Variants in NALCN observed in about 807,000 individuals in gnomAD.
NALCN encodes sodium leak channel, non-selective.
A neutral mutation model predicts 225.3 loss-of-function variants in NALCN; 111 were observed. That is an observed-to-expected ratio of 0.49 (90% CI 0.42 to 0.58). The LOEUF (loss-of-function observed/expected upper bound fraction) is 0.58. Ranked by LOEUF, NALCN falls within the 20% of genes least tolerant of loss-of-function variation. The pLI, the probability that NALCN is intolerant of heterozygous loss-of-function variation, is 0.00. For synonymous variants in NALCN, 764 were observed against 769.0 expected (o/e 0.99, Z 0.11); for missense variants, 1,378 against 2,202.4 (o/e 0.63, Z 7.49).
intron 13 of NALCN, among the ~76,000 whole-genome samples, chr13:101,228,297 C>G (rs2041223880): frequency 6.6e-6 from 1 of 152,010 alleles, no homozygotes; most frequent in Non-Finnish European, 1.5e-5. Context: ...AGTACAGACC[C>G]TTTTGCTGTC....
intron 22 of NALCN, among the ~76,000 whole-genome samples, chr13:101,105,186 A>C (rs1322576358): frequency 6.6e-6 from 1 of 152,198 alleles, no homozygotes; most frequent in Admixed American, 6.5e-5. Flanking sequence ...TATTTCTCAA[A>C]ATACTTGATT....
chr13:101,414,833 A>C lies in NALCN; in HGVS notation c.-40+1480T>G, dbSNP rs186822340. On this transcript the variant is annotated intron_variant, in intron 1 of 43. Transcript: ENST00000251127. ...GTGACGGCACATTTATTCTGCAAAC[A>C]GATTATGTCTTCTATGAACACAGAA... 2.6e-5 allele frequency among the ~76,000 whole-genome samples: 4 copies of C among 152,318 alleles called. No individual in the cohort carries two copies. In the East Asian group the frequency reaches 7.7e-4, roughly 29 times the overall value.
chr13:101,239,874 C>A (rs1414522743), intron 11 of NALCN, among the ~76,000 whole-genome samples: 1 of 152,074 alleles, frequency 6.6e-6, no homozygotes, highest in Non-Finnish European at 1.5e-5. Flanking sequence ...GGAAAGTTAT[C>A]TTGTCTCAAA....
At chr13:101,345,172 G>A (rs2139297840) in intron 7 of NALCN, 94 bp downstream of exon 7, 1 of 1,297,970 alleles carries the variant, frequency 7.7e-7, no homozygotes, top group South Asian at 1.5e-5. Context: ...ACTACAGCCA[G>A]TCAAAATATT....
At chr13:101,241,409 T>C (rs573591352) in intron 11 of NALCN, among the ~76,000 whole-genome samples, 1 of 152,226 alleles carries the variant, frequency 6.6e-6, no homozygotes, top group East Asian at 1.9e-4. Context: ...CAGGCTGTCT[T>C]ACACAATTCA....
intron 12 of NALCN, among the ~76,000 whole-genome samples, chr13:101,230,822 A>C (rs1042573844): frequency 1.3e-5 from 2 of 148,204 alleles, no homozygotes; most frequent in Admixed American, 6.7e-5. Context: ...TTCTCTCTCT[A>C]TATATACACG....
At chr13:101,373,467 T>C (rs1271033826) in intron 6 of NALCN, among the ~76,000 whole-genome samples, 1 of 152,154 alleles carries the variant, frequency 6.6e-6, no homozygotes, top group Non-Finnish European at 1.5e-5. Flanking sequence ...ATGACCAAAT[T>C]AGCAATATAC....
chr13:101,288,861 T>C (rs946028562), intron 9 of NALCN, among the ~76,000 whole-genome samples: 1 of 152,238 alleles, frequency 6.6e-6, no homozygotes, highest in African/African-American at 2.4e-5. Context: ...CTTTGAGTTC[T>C]ACTCAAGGCA....
At chr13:101,149,655 G>T (rs1010006274) in intron 15 of NALCN, among the ~76,000 whole-genome samples, 1 of 152,206 alleles carries the variant, frequency 6.6e-6, no homozygotes, top group South Asian at 2.1e-4. Flanking sequence ...GGTTCTTCAC[G>T]ATTGTGCAAA....
At chr13:101,290,198 T>C (rs1367637222) in intron 9 of NALCN, among the ~76,000 whole-genome samples, 5 of 152,234 alleles carry the variant, frequency 3.3e-5, no homozygotes, top group Admixed American at 6.5e-5. Flanking sequence ...CCCTTTCTAT[T>C]AGAACCATTG....
intron 12 of NALCN, among the ~76,000 whole-genome samples, chr13:101,234,349 C>A (rs564275762): frequency 6.6e-6 from 1 of 152,290 alleles, no homozygotes. Flanking sequence ...TGAATAACTT[C>A]AGTAGTTAGT....
intron 7 of NALCN, among the ~76,000 whole-genome samples, chr13:101,329,549 A>T (rs1212106301): frequency 6.6e-6 from 1 of 152,208 alleles, no homozygotes; most frequent in Non-Finnish European, 1.5e-5. Context: ...GCAGCAAAAA[A>T]ATACTAAAAA....
intron 6 of NALCN, among the ~76,000 whole-genome samples, chr13:101,367,867 G>A (rs191931327): frequency 2.6e-5 from 4 of 152,146 alleles, no homozygotes; most frequent in Admixed American, 2.6e-4. Context: ...TTGTAAGCAT[G>A]GTGGTGTCTT....
intron 1 of NALCN, among the ~76,000 whole-genome samples, chr13:101,411,029 A>T (rs1448423440): frequency 3.9e-5 from 6 of 152,276 alleles, no homozygotes; most frequent in African/African-American, 1.4e-4. Flanking sequence ...TTTCTTCACT[A>T]ACCTCCTTGT....
chr13:101,243,655 T>C (rs911496460), intron 11 of NALCN, among the ~76,000 whole-genome samples: 1 of 105,348 alleles, frequency 9.5e-6, no homozygotes, highest in Non-Finnish European at 2.1e-5. Flanking sequence ...TGAAAAGCCA[T>C]AGCTCCTTTG....
intron 12 of NALCN, among the ~76,000 whole-genome samples, chr13:101,235,672 A>ATGTAAAT (rs1489309263): frequency 6.6e-6 from 1 of 152,164 alleles, no homozygotes. Flanking sequence ...ACAAATGAGG[A>ATGTAAAT]GAGATTTACA....
intron 7 of NALCN, among the ~76,000 whole-genome samples, chr13:101,329,552 A>G (rs1279058378): frequency 6.6e-6 from 1 of 152,228 alleles, no homozygotes. Flanking sequence ...GCAAAAAAAT[A>G]CTAAAAATAA....
At chr13:101,411,687 T>C (rs886256581) in intron 1 of NALCN, among the ~76,000 whole-genome samples, 1 of 152,200 alleles carries the variant, frequency 6.6e-6, no homozygotes, top group African/African-American at 2.4e-5. Flanking sequence ...AATGCTCTGA[T>C]CGTTGGTATA....
Position 101,065,448 on chromosome 13 carries a change from C to T in NALCN, c.4560G>A (p.Glu1520=), listed in dbSNP as rs1256822664. Residue 1520 remains glutamate, a synonymous_variant, in exon 40 of 44, where the codon GAG becomes GAA. Transcript: ENST00000251127. The part of the protein sequence containing the change: ...LLFKHMCYEM[E]RLHNGGDVTF... The stretch of plus-strand genomic sequence containing the variant: ...TGACGTCGCCGCCATTGTGGAGCCT[C>T]TCCATTTCGTAGCACATGTGCTTAA... 1 of 1,614,080 alleles carries T rather than the reference C, an allele frequency of 6.2e-7. No homozygotes were observed. Among genetic ancestry groups the T allele is most frequent in the African/African-American group, 1.3e-5 (1 of 74,940 alleles).
Sources: allele counts gnomAD v4.1 joint callset (sites outside exome capture counted in the v4.1 genomes callset), GRCh38; gene constraint gnomAD v4.1.1; transcripts MANE v1.5; gene names NCBI Gene and HGNC (gene_info 2026-07-23, HGNC 2026-07-21).